PRKG1: variants seen among roughly 807,000 people sequenced by gnomAD.
PRKG1 encodes the protein cGMP-dependent protein kinase 1.
A neutral mutation model predicts 88.1 loss-of-function variants in PRKG1; 35 were observed. The ratio of observed to expected loss-of-function variants is 0.40; its 90% CI spans 0.30 to 0.53. PRKG1 has a LOEUF of 0.53. Among genes scored for constraint, PRKG1 ranks in the 20% least tolerant of loss-of-function variants. The pLI is 0.59. For missense variants in PRKG1, 540 were observed against 839.8 expected (o/e 0.64, Z 4.41); for synonymous variants, 303 against 292.5 (o/e 1.04, Z -0.37).
At chr10:51,328,067 C>T (rs910478694) in intron 2 of PRKG1, among the ~76,000 whole-genome samples, 1 of 152,096 alleles carries the variant, frequency 6.6e-6, no homozygotes, top group Non-Finnish European at 1.5e-5. Flanking sequence ...ATTTCTTGAC[C>T]TTATTCCTCC....
intron 5 of PRKG1, among the ~76,000 whole-genome samples, chr10:51,914,035 C>A (rs539444023): frequency 6.6e-6 from 1 of 152,220 alleles, no homozygotes; most frequent in Non-Finnish European, 1.5e-5. Context: ...AGGATCCAAT[C>A]TCCTCTTTCT....
intron 1 of PRKG1, among the ~76,000 whole-genome samples, chr10:51,105,406 G>A (rs1226443134): frequency 6.6e-6 from 1 of 152,190 alleles, no homozygotes; most frequent in African/African-American, 2.4e-5. Flanking sequence ...GTGGTATTAT[G>A]TGATGAAGGA....
intron 2 of PRKG1, among the ~76,000 whole-genome samples, chr10:51,262,788 C>T (rs1839744647): frequency 6.6e-6 from 1 of 152,058 alleles, no homozygotes; most frequent in African/African-American, 2.4e-5. Context: ...GGGGAAGTGC[C>T]CACACTTTGA....
At chr10:51,530,873 C>T (rs984672565) in intron 3 of PRKG1, among the ~76,000 whole-genome samples, 4 of 152,174 alleles carry the variant, frequency 2.6e-5, no homozygotes, top group African/African-American at 7.2e-5. Context: ...TTCTGTTTCT[C>T]TTACCAGTTC....
chr10:51,934,438 A>C (rs1842762065), intron 5 of PRKG1, among the ~76,000 whole-genome samples: 1 of 152,162 alleles, frequency 6.6e-6, no homozygotes, highest in African/African-American at 2.4e-5. Context: ...ATCTATTGAG[A>C]ATTCTCAATC....
chr10:52,091,962 T>G (rs1354991384), intron 7 of PRKG1, among the ~76,000 whole-genome samples: 1 of 152,184 alleles, frequency 6.6e-6, no homozygotes, highest in Non-Finnish European at 1.5e-5. Flanking sequence ...AAAGTAGGGC[T>G]GACTTGATGT....
chr10:51,853,410 G>A (rs573011352), intron 4 of PRKG1, among the ~76,000 whole-genome samples: 6 of 152,270 alleles, frequency 3.9e-5, no homozygotes, highest in African/African-American at 1.4e-4. Flanking sequence ...GCAGGAATAT[G>A]TTTGCATAAA....
intron 9 of PRKG1, among the ~76,000 whole-genome samples, chr10:52,189,419 G>T (rs1457270042): frequency 6.6e-6 from 1 of 152,152 alleles, no homozygotes; most frequent in Non-Finnish European, 1.5e-5. Flanking sequence ...TGGCCTGTTA[G>T]GCACCTGGAC....
At chr10:51,932,905 T>C (rs1842725079) in intron 5 of PRKG1, among the ~76,000 whole-genome samples, 1 of 152,134 alleles carries the variant, frequency 6.6e-6, no homozygotes, top group African/African-American at 2.4e-5. Flanking sequence ...AAATGTATCT[T>C]ATTCTTTTTA....
intron 5 of PRKG1, among the ~76,000 whole-genome samples, chr10:52,005,963 G>A (rs1022972532): frequency 2.0e-5 from 3 of 151,892 alleles, no homozygotes; most frequent in Non-Finnish European, 4.4e-5. Flanking sequence ...ACTGAAGCAT[G>A]GGGAGAATAA....
intron 5 of PRKG1, among the ~76,000 whole-genome samples, chr10:52,015,846 G>A (rs1051820408): frequency 6.6e-6 from 1 of 152,286 alleles, no homozygotes; most frequent in East Asian, 1.9e-4. Context: ...GATCTTTAGG[G>A]CAGGGGCGAA....
At chr10:51,614,352 A>G (rs1838989052) in intron 3 of PRKG1, among the ~76,000 whole-genome samples, 1 of 151,708 alleles carries the variant, frequency 6.6e-6, no homozygotes, top group African/African-American at 2.4e-5. Flanking sequence ...GTCTTTTTCC[A>G]TCCCTTTACT....
chr10:51,976,814 T>C lies in PRKG1; in HGVS notation c.762+69244T>C, dbSNP rs563191217. Among the ~76,000 whole-genome samples, 33 of 152,136 alleles carry C rather than the reference T, an allele frequency of 2.2e-4. 2 individuals are homozygous for C. In the South Asian group the frequency reaches 6.8e-3, roughly 31 times the overall value. ...CTCAGTTATTTGATAGACAACTCAT[T>C]AGGAAAAACGAGAATTATATTTTTA... On this transcript the variant is annotated intron_variant, in intron 5 of 17. Coordinates refer to ENST00000373980, the MANE Select transcript of PRKG1 (RefSeq NM_006258.4).
chr10:51,652,679 T>C (rs889000908), intron 3 of PRKG1, among the ~76,000 whole-genome samples: 12 of 152,354 alleles, frequency 7.9e-5, no homozygotes, highest in African/African-American at 2.9e-4. Flanking sequence ...TATGAATACA[T>C]TGTGGAGTGA....
intron 3 of PRKG1, among the ~76,000 whole-genome samples, chr10:51,724,174 T>A (rs1323933464): frequency 6.6e-6 from 1 of 152,224 alleles, no homozygotes; most frequent in African/African-American, 2.4e-5. Flanking sequence ...TTCAGTTGTG[T>A]ACACTATCAG....
chr10:51,610,559 AT>A (rs1460025686), intron 3 of PRKG1, among the ~76,000 whole-genome samples: 1 of 152,120 alleles, frequency 6.6e-6, no homozygotes, highest in African/African-American at 2.4e-5. Context: ...ACTTAGATTG[AT>A]TTCATATCTT....
intron 2 of PRKG1, among the ~76,000 whole-genome samples, chr10:51,447,759 T>A (rs139886460): frequency 9.9e-5 from 15 of 152,130 alleles, no homozygotes; most frequent in African/African-American, 3.1e-4. Context: ...CAGGAAGTCA[T>A]AACTAACCCA....
chr10:51,149,029 G>A (rs1366361248), intron 1 of PRKG1, among the ~76,000 whole-genome samples: 2 of 151,914 alleles, frequency 1.3e-5, no homozygotes, highest in Non-Finnish European at 2.9e-5. Flanking sequence ...CTTTCTCACT[G>A]TATGCTTCAA....
At chr10:52,240,425 A>T (rs1200253527) in intron 9 of PRKG1, among the ~76,000 whole-genome samples, 1 of 152,200 alleles carries the variant, frequency 6.6e-6, no homozygotes, top group East Asian at 1.9e-4. Context: ...TCTGGATGGG[A>T]TCCCGGACCA....
Sources: allele counts gnomAD v4.1 joint callset (sites outside exome capture counted in the v4.1 genomes callset), GRCh38; gene constraint gnomAD v4.1.1; transcripts MANE v1.5; gene names NCBI Gene and HGNC (gene_info 2026-07-23, HGNC 2026-07-21).